The following NSD2 variants were observed in gnomAD, a reference collection of about 807,000 sequenced individuals.
NSD2 encodes nuclear receptor binding SET domain protein 2.
Under a neutral mutation model 139.0 loss-of-function variants are expected in NSD2, and 12 were observed. The observed-to-expected ratio is 0.09, with a 90% CI of 0.06 to 0.14. The LOEUF is 0.14. Ranked by LOEUF, NSD2 falls within the 10% of genes least tolerant of loss-of-function variation. NSD2 has a pLI of 1.00. For synonymous variants in NSD2, 669 were observed against 648.7 expected (o/e 1.03, Z -0.48); for missense variants, 1,155 against 1,745.0 (o/e 0.66, Z 6.02).
chr4:1,950,692 T>A (rs1277957526), intron 9 of NSD2, among the ~76,000 whole-genome samples: 1 of 152,140 alleles, frequency 6.6e-6, no homozygotes. Flanking sequence ...CACCTTAGAG[T>A]AGTAGAACCT....
chr4:1,932,938 G>C (rs1721841524), intron 6 of NSD2, among the ~76,000 whole-genome samples: 1 of 152,238 alleles, frequency 6.6e-6, no homozygotes, highest in Non-Finnish European at 1.5e-5. Flanking sequence ...CGGGTGTTCT[G>C]AAGGCAGACC....
At chr4:1,911,816 C>T (rs1156286465) in intron 3 of NSD2, among the ~76,000 whole-genome samples, 1 of 152,064 alleles carries the variant, frequency 6.6e-6, no homozygotes, top group Non-Finnish European at 1.5e-5. Flanking sequence ...TGGGAAAGAA[C>T]TTCAGAATGT....
At chr4:1,967,621 T>A (rs1162907173) in intron 18 of NSD2, among the ~76,000 whole-genome samples, 3 of 152,124 alleles carry the variant, frequency 2.0e-5, no homozygotes, top group Non-Finnish European at 4.4e-5. Context: ...GTGGGTTTAC[T>A]GGGACATAGC....
chr4:1,896,955 G>C (rs886848430), intron 1 of NSD2, among the ~76,000 whole-genome samples: 1 of 152,008 alleles, frequency 6.6e-6, no homozygotes, highest in East Asian at 1.9e-4. Flanking sequence ...TGGATCGCTT[G>C]AGCCCAGGAG....
intron 21 of NSD2, among the ~76,000 whole-genome samples, chr4:1,977,180 G>A (rs959220255): frequency 3.3e-5 from 5 of 152,380 alleles, no homozygotes; most frequent in East Asian, 3.9e-4. Flanking sequence ...AGGAGGCTCC[G>A]CCGGTTGACG....
chr4:1,976,002 C>T lies in NSD2; in HGVS notation c.3622-473C>T, dbSNP rs998059802. Reference sequence around the variant, plus strand: ...GTAGAACCTGGTCCTGAAAGCCTGGCGGTGGCACCAGCTCGGCCCTGAGCC... The same window carrying T: ...GTAGAACCTGGTCCTGAAAGCCTGGTGGTGGCACCAGCTCGGCCCTGAGCC... On this transcript the variant is annotated intron_variant, in intron 20 of 21. Coordinates refer to ENST00000508803, the MANE Select transcript of NSD2 (RefSeq NM_001042424.3). The surrounding 1 kb of genome is among the most constrained non-coding windows in gnomAD (Gnocchi z 5.3). 3.3e-5 allele frequency among the ~76,000 whole-genome samples: 5 copies of T among 152,066 alleles called. No individual in the cohort carries two copies. Among genetic ancestry groups the T allele is most frequent in the African/African-American group, 7.3e-5 (3 of 41,374 alleles).
chr4:1,947,573 T>G (rs1385874896), intron 9 of NSD2: 1 of 1,053,024 alleles, frequency 9.5e-7, no homozygotes, highest in East Asian at 5.4e-5. Flanking sequence ...TGACTTATTT[T>G]AATTCCACTT....
At chr4:1,928,827 G>T in intron 5 of NSD2, among the ~76,000 whole-genome samples, 1 of 152,160 alleles carries the variant, frequency 6.6e-6, no homozygotes, top group East Asian at 1.9e-4. Context: ...TGGATCCGAA[G>T]CCCTGTGCAG....
At chr4:1,907,593 TC>T in intron 3 of NSD2, among the ~76,000 whole-genome samples, 1 of 151,278 alleles carries the variant, frequency 6.6e-6, no homozygotes, top group East Asian at 1.9e-4. Context: ...CCTTGAAACA[TC>T]TTGTTCTACC....
At chr4:1,883,720 G>A (rs1251428585) in intron 1 of NSD2, among the ~76,000 whole-genome samples, 1 of 151,968 alleles carries the variant, frequency 6.6e-6, no homozygotes, top group Non-Finnish European at 1.5e-5. Flanking sequence ...TGTAGTGGAA[G>A]CCCCATGAAA....
At chr4:1,971,627 G>A (rs1055398048) in intron 18 of NSD2, among the ~76,000 whole-genome samples, 1 of 152,142 alleles carries the variant, frequency 6.6e-6, no homozygotes, top group African/African-American at 2.4e-5. Context: ...CGTGAGGTCC[G>A]AGCCAGGGCG....
chr4:1,874,737 C>A (rs1714126505), intron 1 of NSD2, among the ~76,000 whole-genome samples: 1 of 152,160 alleles, frequency 6.6e-6, no homozygotes, highest in Admixed American at 6.5e-5. Context: ...AAATCTACCT[C>A]GTCAATTTCT....
intron 17 of NSD2, among the ~76,000 whole-genome samples, chr4:1,960,796 A>G (rs1725286542): frequency 6.6e-6 from 1 of 152,212 alleles, no homozygotes; most frequent in Admixed American, 6.5e-5. Context: ...GTAGGAAGCA[A>G]GGGTTGGCAT....
chr4:1,923,742 C>A (rs367770508), intron 5 of NSD2, among the ~76,000 whole-genome samples: 1 of 152,128 alleles, frequency 6.6e-6, no homozygotes, highest in African/African-American at 2.4e-5. Flanking sequence ...TTTGCCCTTG[C>A]ACGCAGAGAG....
At chr4:1,875,356 A>C (rs1413731553) in intron 1 of NSD2, among the ~76,000 whole-genome samples, 1 of 142,930 alleles carries the variant, frequency 7.0e-6, no homozygotes, top group East Asian at 2.0e-4. Context: ...ATCACGGCTC[A>C]TTGCAGCCTT....
Position 1,918,354 on chromosome 4 carries a change from G to A in NSD2, c.1141G>A (p.Glu381Lys). Residue 381 changes from glutamate to lysine, a missense_variant, in exon 5 of 22, where the codon GAA becomes AAA. By Grantham distance (56) the Glu-to-Lys change is moderately conservative (BLOSUM62 1). Around this residue, in one of 8 missense-constraint regions of NSD2, gnomAD observed 420 missense variants for 469.0 expected, o/e 0.90. Transcript: ENST00000508803. ...AATGGCAGAATCCTCAGGAGTCAGT[G>A]AAGAAGCTGCTGAAAACCCCAAGTC... ...GEMAESSGVSEEAAENPKSVR... is the reference protein window; with the variant it reads ...GEMAESSGVSKEAAENPKSVR... 1 of 1,614,098 alleles carries A rather than the reference G, an allele frequency of 6.2e-7. No homozygotes were observed. Among genetic ancestry groups the A allele is most frequent in the Non-Finnish European group, 8.5e-7 (1 of 1,180,030 alleles).
At chr4:1,933,556 A>AT (rs1000272855) in intron 6 of NSD2, among the ~76,000 whole-genome samples, 4,763 of 147,022 alleles carry the variant, frequency 0.032, 231 homozygotes, top group African/African-American at 0.11. Flanking sequence ...TGACCAGCTA[A>AT]TTTTTTTTTT....
chr4:1,966,516 G>C (rs1377456370), intron 18 of NSD2, among the ~76,000 whole-genome samples: 2 of 152,044 alleles, frequency 1.3e-5, no homozygotes, highest in African/African-American at 4.8e-5. Flanking sequence ...AATTAGCCGG[G>C]CGTGGTGGCA....
intron 3 of NSD2, among the ~76,000 whole-genome samples, chr4:1,906,992 C>G: frequency 6.6e-6 from 1 of 152,104 alleles, no homozygotes; most frequent in East Asian, 1.9e-4. Context: ...ACTCCGGGAC[C>G]TTGCACTGTG....
Sources: allele counts gnomAD v4.1 joint callset (sites outside exome capture counted in the v4.1 genomes callset), GRCh38; gene constraint gnomAD v4.1.1; regional missense constraint gnomAD v4.1.1; non-coding constraint Gnocchi (gnomAD v3.1); transcripts MANE v1.5; gene names NCBI Gene and HGNC (gene_info 2026-07-23, HGNC 2026-07-21).